Variants in PTPRN2 observed in about 807,000 individuals in gnomAD.
PTPRN2 encodes the protein protein tyrosine phosphatase receptor type N2.
Under a neutral mutation model 118.8 loss-of-function variants are expected in PTPRN2, and 74 were observed. That is an observed-to-expected ratio of 0.62 (90% CI 0.52 to 0.76). The LOEUF is 0.76. PTPRN2 is among the 30% of genes least tolerant of loss of function. The pLI, the probability that PTPRN2 is intolerant of heterozygous loss-of-function variation, is 0.00. For synonymous variants in PTPRN2, 641 were observed against 608.0 expected, an observed-to-expected ratio of 1.05 and a Z score of -0.80; for missense variants, 1,481 against 1,394.4, an observed-to-expected ratio of 1.06 and a Z score of -0.99.
At chr7:158,395,054 T>C (rs1176784073) in intron 2 of PTPRN2, among the ~76,000 whole-genome samples, 1 of 152,024 alleles carries the variant, frequency 6.6e-6, no homozygotes, top group East Asian at 1.9e-4. Flanking sequence ...CCTGCCTGAG[T>C]CTTTGCCAAG....
At chr7:158,462,525 T>C (rs1265500219) in intron 2 of PTPRN2, among the ~76,000 whole-genome samples, 1 of 152,196 alleles carries the variant, frequency 6.6e-6, no homozygotes, top group African/African-American at 2.4e-5. Flanking sequence ...GTCTCGGCCA[T>C]GAAAATGGTG....
At chr7:158,212,785 C>T (rs573955633) in intron 3 of PTPRN2, among the ~76,000 whole-genome samples, 1 of 152,226 alleles carries the variant, frequency 6.6e-6, no homozygotes, top group Admixed American at 6.5e-5. Flanking sequence ...CTAACAAAAT[C>T]TTAAAAGACA....
intron 2 of PTPRN2, among the ~76,000 whole-genome samples, chr7:158,382,534 C>T (rs1438980990): frequency 6.6e-6 from 1 of 152,156 alleles, no homozygotes; most frequent in Non-Finnish European, 1.5e-5. Context: ...GTCCCCAACC[C>T]CCGGGCCATG....
chr7:158,270,783 A>AC lies in PTPRN2; in HGVS notation c.277+46035dup, dbSNP rs1335812910. ...CTGGACCACCCCGTCCACCTGGACCACCCCTCCACCTGGACCACCCCCTCA... is the reference window on the plus strand; with the variant it reads ...CTGGACCACCCCGTCCACCTGGACCACCCCCTCCACCTGGACCACCCCCTCA... On this transcript the variant is annotated intron_variant, in intron 3 of 22. Coordinates refer to ENST00000389418, the MANE Select transcript of PTPRN2 (RefSeq NM_002847.5). Among the ~76,000 whole-genome samples, 361 of 51,230 alleles carry AC rather than the reference A, an allele frequency of 7.0e-3. 20 individuals carry two copies. Among genetic ancestry groups the AC allele is most frequent in the Non-Finnish European group, 9.8e-3 (287 of 29,208 alleles). The allele number at this position is 51,230 out of a possible 152,430, so 33.6% of individuals were successfully genotyped here.
chr7:158,487,243 A>C (rs759638038), intron 2 of PTPRN2, among the ~76,000 whole-genome samples: 13 of 152,228 alleles, frequency 8.5e-5, no homozygotes, highest in Non-Finnish European at 1.8e-4. Context: ...ATGGGTGTGC[A>C]AACAGCTCTT....
chr7:157,747,712 T>C, intron 12 of PTPRN2, among the ~76,000 whole-genome samples: 1 of 132,322 alleles, frequency 7.6e-6, no homozygotes, highest in East Asian at 2.5e-4. Context: ...CTCTCAGCTG[T>C]GGGCTGTTGA....
chr7:158,128,606 CT>C (rs781636240), intron 9 of PTPRN2, among the ~76,000 whole-genome samples: 10 of 152,220 alleles, frequency 6.6e-5, no homozygotes, highest in Admixed American at 3.9e-4. Flanking sequence ...TGCGAGGCTG[CT>C]GCAGACAGGG....
intron 9 of PTPRN2, among the ~76,000 whole-genome samples, chr7:158,118,978 A>T (rs1816938509): frequency 6.6e-6 from 1 of 152,348 alleles, no homozygotes; most frequent in Non-Finnish European, 1.5e-5. Flanking sequence ...CTGAAATTAT[A>T]GGCATCAGCC....
At chr7:158,388,713 G>C (rs919884370) in intron 2 of PTPRN2, among the ~76,000 whole-genome samples, 4 of 152,128 alleles carry the variant, frequency 2.6e-5, no homozygotes, top group Admixed American at 6.5e-5. Flanking sequence ...GGCCTGAAAG[G>C]CCCAACCATC....
At chr7:157,559,710 G>A (rs572877738) in intron 21 of PTPRN2, among the ~76,000 whole-genome samples, 2 of 152,320 alleles carry the variant, frequency 1.3e-5, no homozygotes, top group African/African-American at 4.8e-5. Flanking sequence ...TTGGAGGGCA[G>A]GACTTTGATC....
chr7:157,817,828 G>A (rs1806513061), intron 12 of PTPRN2, among the ~76,000 whole-genome samples: 2 of 152,142 alleles, frequency 1.3e-5, no homozygotes, highest in South Asian at 4.1e-4. Flanking sequence ...TGTTTGGTGT[G>A]TGTGTGTAGC....
At chr7:158,412,243 C>A (rs1266297166) in intron 2 of PTPRN2, among the ~76,000 whole-genome samples, 1 of 117,348 alleles carries the variant, frequency 8.5e-6, no homozygotes, top group Non-Finnish European at 1.8e-5. Context: ...AGCACCAGGG[C>A]CCATCTCAGC....
intron 2 of PTPRN2, among the ~76,000 whole-genome samples, chr7:158,424,656 G>GGCCCTGAGA (rs1028979195): frequency 2.0e-5 from 3 of 152,258 alleles, no homozygotes; most frequent in African/African-American, 4.8e-5. Flanking sequence ...CGCAGAGCGC[G>GGCCCTGAGA]GCCCTGAGAG....
chr7:158,340,722 A>T (rs1240327396), intron 2 of PTPRN2, among the ~76,000 whole-genome samples: 2 of 42,968 alleles, frequency 4.7e-5, no homozygotes, highest in African/African-American at 1.6e-4. Flanking sequence ...TCACACCCAC[A>T]CTCACCATAA....
chr7:158,059,136 C>T (rs1306126979), intron 11 of PTPRN2, among the ~76,000 whole-genome samples: 20 of 125,462 alleles, frequency 1.6e-4, no homozygotes, highest in South Asian at 2.8e-4. Context: ...CATCTGCCCA[C>T]GGTGAGACAT....
intron 3 of PTPRN2, among the ~76,000 whole-genome samples, chr7:158,313,745 T>A (rs1158579116): frequency 6.6e-6 from 1 of 152,238 alleles, no homozygotes; most frequent in Non-Finnish European, 1.5e-5. Flanking sequence ...TGGTTTTCCT[T>A]AGGAGTTACC....
Position 157,600,158 on chromosome 7 carries a change from TACCTCTCCACCTGCCC to T in PTPRN2, c.2418+3828_2418+3843del, listed in dbSNP as rs1563250019. On this transcript the variant is annotated intron_variant, in intron 16 of 22. Coordinates refer to ENST00000389418, the MANE Select transcript of PTPRN2 (RefSeq NM_002847.5). Reference sequence around the variant, plus strand: ...CCACCTGCCCACATCTCCACCTGCCTACCTCTCCACCTGCCCACCTCTCCACCTGCCCACCTCTCCA... The same window carrying T: ...CCACCTGCCCACATCTCCACCTGCCTACCTCTCCACCTGCCCACCTCTCCA... Among the ~76,000 whole-genome samples the T allele has an allele frequency of 5.6e-4, 17 of 30,394 alleles. No homozygotes were observed. In the South Asian group the frequency reaches 7.5e-3, roughly 13 times the overall value. The allele number at this position is 30,394 out of a possible 152,430, so 19.9% of individuals were successfully genotyped here. A position where few individuals can be genotyped will look rare whatever the true frequency, so the allele number is the denominator to read the frequency against.
chr7:157,729,434 C>G lies in PTPRN2; in HGVS notation c.1789-46497G>C, dbSNP rs1277674431. On this transcript the variant is annotated intron_variant, in intron 12 of 22. Transcript: ENST00000389418. This position sits in a 1 kb window ranked among gnomAD's most constrained non-coding sequence, Gnocchi z 4.3. Reference sequence around the variant, plus strand: ...CAGCTCCATCTTCAGCAGCTCCGTGCATAGGGACTCCTGGGAAGACTTCTC... The same window carrying G: ...CAGCTCCATCTTCAGCAGCTCCGTGGATAGGGACTCCTGGGAAGACTTCTC... 6.6e-6 allele frequency among the ~76,000 whole-genome samples: 1 copy of G among 152,122 alleles called. No homozygotes were observed. The highest frequency in any genetic ancestry group is 1.5e-5 in the Non-Finnish European group (1 of 68,018).
At chr7:158,214,186 G>T (rs2150773206) in intron 3 of PTPRN2, among the ~76,000 whole-genome samples, 1 of 152,206 alleles carries the variant, frequency 6.6e-6, no homozygotes, top group East Asian at 1.9e-4. Context: ...ACCCTGGGAA[G>T]AAGGAATCCA....
Sources: gnomAD v4.1 joint callset for allele counts (sites outside exome capture counted in the v4.1 genomes callset) on GRCh38, gnomAD v4.1.1 for gene constraint, Gnocchi (gnomAD v3.1) non-coding constraint, MANE v1.5 for transcripts, NCBI Gene and HGNC (gene_info 2026-07-23, HGNC 2026-07-21) for gene names.